LAMP3: variants seen among roughly 807,000 people sequenced by gnomAD.
The protein encoded by LAMP3 is lysosome associated membrane protein 3.
In LAMP3, 26 loss-of-function variants were observed where a neutral mutation model predicts 34.8. The ratio of observed to expected loss-of-function variants is 0.75; its 90% CI spans 0.55 to 1.04. The LOEUF (loss-of-function observed/expected upper bound fraction) is 1.04, where lower values mean the gene tolerates loss of function less well. Ranked by LOEUF, LAMP3 falls within the 50% of genes least tolerant of loss-of-function variation. The probability of loss-of-function intolerance (pLI) is 0.00; values close to 1 mark genes in which losing one functional copy is unlikely to be tolerated. For missense variants in LAMP3, 495 were observed against 524.0 expected, an observed-to-expected ratio of 0.94 and a Z score of 0.54; for synonymous variants, 180 against 201.9, an observed-to-expected ratio of 0.89 and a Z score of 0.92.
In LAMP3 at chr3:183,142,910, T is replaced by A. The variant is rs575002713; in HGVS notation, c.889-2315A>T. ...AGAACACCTGTGAACCCGTCCCTGA[T>A]GGGCAGGGCCACTGCTGTTCCACAA... On this transcript the variant is annotated intron_variant, in intron 3 of 5. Coordinates refer to ENST00000265598, the MANE Select transcript of LAMP3 (RefSeq NM_014398.4). 2.6e-5 allele frequency among the ~76,000 whole-genome samples: 4 copies of A among 152,256 alleles called. No individual in the cohort carries two copies. The South Asian group carries it at 8.3e-4, about 32-fold the overall frequency.
Position 183,140,601 on chromosome 3 carries a change from A to T in LAMP3, c.889-6T>A. 6.3e-7 allele frequency: 1 copy of T among 1,582,418 alleles called. No individual in the cohort carries two copies. Among genetic ancestry groups the T allele is most frequent in the South Asian group, 1.1e-5 (1 of 90,364 alleles). On this transcript the variant is annotated splice_region_variant and splice_polypyrimidine_tract_variant and intron_variant, in intron 3 of 5. Coordinates refer to ENST00000265598, the MANE Select transcript of LAMP3 (RefSeq NM_014398.4). ...ATATAATATGATTCTTCATCCTGTA[A>T]AACAGTAGGGTGTTAACCTTTGGGT...
intron 1 of LAMP3, chr3:183,160,888 C>T (rs1487604617): frequency 6.6e-6 from 1 of 152,142 alleles, no homozygotes; most frequent in Non-Finnish European, 1.5e-5. Context: ...GCACTGCGAA[C>T]AGTGCCTGGC....
In LAMP3 at chr3:183,135,942, C is replaced by T. The variant is rs902829882; in HGVS notation, c.947-55G>A. On this transcript the variant is annotated intron_variant, in intron 4 of 5. Coordinates refer to ENST00000265598, the MANE Select transcript of LAMP3 (RefSeq NM_014398.4). ...GTCCTGAGATGTAACCGCTGAGCTC[C>T]AGCTGTGGCCGGGCTGCCTGTGCAC... The T allele has an allele frequency of 1.6e-5, 23 of 1,436,890 alleles. No homozygotes were observed. The Admixed American group carries it at 2.4e-4, about 15-fold the overall frequency. 89.0% of individuals were successfully genotyped at this position (1,436,890 alleles called of 1,614,324 possible). A position where few individuals can be genotyped will look rare whatever the true frequency, so the allele number is the denominator to read the frequency against.
chr3:183,133,080 C>T (rs1312548019), intron 5 of LAMP3: 2 of 273,730 alleles, frequency 7.3e-6, no homozygotes, highest in African/African-American at 4.6e-5. Context: ...TGTTGGGGCT[C>T]AGACAACAGT....
chr3:183,139,695 C>T (rs1441671879), intron 4 of LAMP3, among the ~76,000 whole-genome samples: 1 of 152,180 alleles, frequency 6.6e-6, no homozygotes. Context: ...GTACTGTACT[C>T]ACCTGTTTTT....
rs972748527 is a variant in LAMP3 at position 183,122,602 on chromosome 3, A to T, written c.*1479T>A. ...TCTATTATCAAAAAAATTTAAAAAT[A>T]CTTTGAGTTTATTTGATGCCTTCAT... On this transcript the variant is annotated 3_prime_UTR_variant, in exon 6 of 6. Coordinates refer to ENST00000265598, the MANE Select transcript of LAMP3 (RefSeq NM_014398.4). The T allele has an allele frequency of 6.6e-6, 1 of 152,242 alleles. No individual in the cohort carries two copies. The highest frequency in any genetic ancestry group is 1.9e-4 in the East Asian group (1 of 5,206). 9.4% of individuals were successfully genotyped at this position (152,242 alleles called of 1,614,324 possible).
At chr3:183,125,961 C>T (rs1450760229) in intron 5 of LAMP3, among the ~76,000 whole-genome samples, 2 of 152,098 alleles carry the variant, frequency 1.3e-5, no homozygotes, top group African/African-American at 4.8e-5. Context: ...AGCCACCACA[C>T]TTGGCCTATA....
intron 3 of LAMP3, among the ~76,000 whole-genome samples, chr3:183,150,767 T>C (rs1385322019): frequency 4.6e-5 from 7 of 152,018 alleles, no homozygotes; most frequent in Admixed American, 4.6e-4. Flanking sequence ...TTGCTATATA[T>C]TTCCCAGGCT....
intron 5 of LAMP3, among the ~76,000 whole-genome samples, chr3:183,130,433 C>G (rs1169805011): frequency 6.6e-6 from 1 of 152,040 alleles, no homozygotes; most frequent in Admixed American, 6.6e-5. Context: ...GCTGGGATTA[C>G]AGGCGTGAGC....
At chr3:183,129,289 A>G (rs1719853805) in intron 5 of LAMP3, among the ~76,000 whole-genome samples, 1 of 152,178 alleles carries the variant, frequency 6.6e-6, no homozygotes, top group South Asian at 2.1e-4. Flanking sequence ...TTTTGGTATC[A>G]ATTCTTTTTT....
intron 3 of LAMP3, among the ~76,000 whole-genome samples, chr3:183,150,746 A>G (rs591618): frequency 0.88 from 132,818 of 151,404 alleles, 58,361 homozygotes; most frequent in Middle Eastern, 0.92. Flanking sequence ...TTCTTTGGTA[A>G]AGACAGGGTC....
At chr3:183,139,514 C>A (rs1215790947) in intron 4 of LAMP3, among the ~76,000 whole-genome samples, 1 of 152,094 alleles carries the variant, frequency 6.6e-6, no homozygotes, top group Admixed American at 6.6e-5. Flanking sequence ...TAGTACTGAA[C>A]TCTAGATATA....
intron 5 of LAMP3, among the ~76,000 whole-genome samples, chr3:183,129,950 C>A (rs968365795): frequency 1.5e-4 from 23 of 152,108 alleles, no homozygotes; most frequent in African/African-American, 5.3e-4. Context: ...CATATGGATA[C>A]AGACAGGTAC....
At chr3:183,154,416 TAA>T in intron 1 of LAMP3, 25 bp from the exon 2 acceptor site, 1 of 1,532,402 alleles carries the variant, frequency 6.5e-7, no homozygotes, top group Non-Finnish European at 8.9e-7. Flanking sequence ...ATAAAAGTGT[TAA>T]AAACACTAAC....
At chr3:183,162,535 C>A (rs1721008159) in intron 1 of LAMP3, 72 bp downstream of exon 1, 2 of 1,458,806 alleles carry the variant, frequency 1.4e-6, no homozygotes, top group Non-Finnish European at 1.9e-6. Context: ...GCGCCCGGGA[C>A]TCCAGAGTGC....
intron 2 of LAMP3, among the ~76,000 whole-genome samples, chr3:183,153,317 T>C (rs1445017276): frequency 5.9e-5 from 9 of 152,136 alleles, no homozygotes. Flanking sequence ...ATAGAGACCA[T>C]CTGACTTAAA....
chr3:183,127,793 C>T (rs995836444), intron 5 of LAMP3, among the ~76,000 whole-genome samples: 3 of 152,086 alleles, frequency 2.0e-5, no homozygotes, highest in African/African-American at 4.8e-5. Flanking sequence ...AGGTTTATGA[C>T]ACTTCAATTC....
chr3:183,148,327 T>C (rs929616228), intron 3 of LAMP3, among the ~76,000 whole-genome samples: 1 of 152,080 alleles, frequency 6.6e-6, no homozygotes, highest in Non-Finnish European at 1.5e-5. Flanking sequence ...TGGGATTACA[T>C]CAAGTTAAAA....
At chr3:183,132,434 T>C (rs188781246) in intron 5 of LAMP3, 1 of 979,824 alleles carries the variant, frequency 1.0e-6, no homozygotes, top group East Asian at 1.1e-4. Context: ...ATCAGGACTC[T>C]TGAAAATGTA....
Sources: allele counts gnomAD v4.1 joint callset (sites outside exome capture counted in the v4.1 genomes callset), GRCh38; gene constraint gnomAD v4.1.1; transcripts MANE v1.5; gene names NCBI Gene and HGNC (gene_info 2026-07-23, HGNC 2026-07-21).